CTAGE1: variants seen among roughly 807,000 people sequenced by gnomAD.
The protein encoded by CTAGE1 is cTAGE family member 2.
For synonymous variants in CTAGE1, 332 were observed against 302.8 expected (o/e 1.10, Z -1.00); for missense variants, 963 against 855.9 (o/e 1.13, Z -1.56).
In CTAGE1 at chr18:22,414,494, G is replaced by T. The variant is rs2034985087; in HGVS notation, c.*1080C>A. The T allele has an allele frequency of 1.7e-6, 1 of 579,016 alleles. No homozygotes were observed. The highest frequency in any genetic ancestry group is 3.0e-6 in the Non-Finnish European group (1 of 329,198). The allele number at this position is 579,016 out of a possible 1,614,324, so 35.9% of individuals were successfully genotyped here. On this transcript the variant is annotated 3_prime_UTR_variant, in exon 1 of 1. Transcript: ENST00000391403. ...TTGTCCCCAAAAGAAGCAATGGCTTGGTGGCCCAGCTTGCATGAAGGACTA... is the reference window on the plus strand; with the variant it reads ...TTGTCCCCAAAAGAAGCAATGGCTTTGTGGCCCAGCTTGCATGAAGGACTA...
Position 22,417,321 on chromosome 18 carries a change from A to T in CTAGE1, c.491T>A (p.Phe164Tyr). ...TTCTTCATTCGCTTGAAATCTCTTG[A>T]AGGTCATTTTGGCTTCAGCTACTTG... ...KSQVAEAKMT[F>Y]KRFQANEERL... is the part of the protein sequence containing the mutation. Residue 164 changes from phenylalanine (F) to tyrosine (Y), a missense_variant, in exon 1 of 1, where the codon TTC (phenylalanine) becomes TAC (tyrosine). Phe to Tyr is a conservative substitution (Grantham distance 22). Coordinates refer to ENST00000391403, the MANE Select transcript of CTAGE1 (RefSeq NM_172241.3). 1 of 1,613,934 alleles carries T rather than the reference A, an allele frequency of 6.2e-7. No homozygotes were observed. The highest frequency in any genetic ancestry group is 8.5e-7 in the Non-Finnish European group (1 of 1,179,866).
In CTAGE1 at chr18:22,414,541, C is replaced by T; in HGVS notation, c.*1033G>A. The T allele has an allele frequency of 3.3e-6, 2 of 606,294 alleles. No individual in the cohort carries two copies. The allele number at this position is 606,294 out of a possible 1,614,324, so 37.6% of individuals were successfully genotyped here. A position where few individuals can be genotyped will look rare whatever the true frequency, so the allele number is the denominator to read the frequency against. ...ACTAATCCAAAATTTGAGGGCGTCTCTCAGGGAACACGATACATTTCATCT... is the reference window on the plus strand; with the variant it reads ...ACTAATCCAAAATTTGAGGGCGTCTTTCAGGGAACACGATACATTTCATCT... On this transcript the variant is annotated 3_prime_UTR_variant, in exon 1 of 1. Transcript: ENST00000391403.
Position 22,414,577 on chromosome 18 carries a change from T to C in CTAGE1, c.*997A>G. On this transcript the variant is annotated 3_prime_UTR_variant, in exon 1 of 1. Transcript: ENST00000391403. ...CGATACATTTCATCTTTTAACAGAA[T>C]TCCAGAGAAGAGAGCTCAATCAGAG... The C allele has an allele frequency of 1.5e-6, 1 of 654,978 alleles. No individual in the cohort carries two copies. The highest frequency in any genetic ancestry group is 1.7e-5 in the South Asian group (1 of 58,236). The allele number at this position is 654,978 out of a possible 1,614,324, so 40.6% of individuals were successfully genotyped here.
In CTAGE1 at chr18:22,416,815, A is replaced by T; in HGVS notation, c.997T>A (p.Ser333Thr). Residue 333 changes from serine to threonine, a missense_variant, in exon 1 of 1, where the codon TCT becomes ACT. By Grantham distance (58) the Ser-to-Thr change is moderately conservative. Coordinates refer to ENST00000391403, the MANE Select transcript of CTAGE1 (RefSeq NM_172241.3). Reference sequence around the variant, plus strand: ...AAATGTGTGTTTTCTGACTGCAAAGATGCTTGTTCAGTCTGAAGATTTTTA... The same window carrying T: ...AAATGTGTGTTTTCTGACTGCAAAGTTGCTTGTTCAGTCTGAAGATTTTTA... Reference protein sequence around the residue: ...HIKNLQTEQASLQSENTHFES... With the variant: ...HIKNLQTEQATLQSENTHFES... The T allele has an allele frequency of 6.2e-7, 1 of 1,612,574 alleles. No individual in the cohort carries two copies. The highest frequency in any genetic ancestry group is 8.5e-7 in the Non-Finnish European group (1 of 1,179,812).
Position 22,415,541 on chromosome 18 carries a change from C to G in CTAGE1, c.*33G>C, listed in dbSNP as rs779124305. The G allele has an allele frequency of 1.1e-4, 168 of 1,513,174 alleles. No individual in the cohort carries two copies. In the East Asian group the frequency reaches 3.8e-3, roughly 34 times the overall value. 93.7% of individuals were successfully genotyped at this position (1,513,174 alleles called of 1,614,324 possible). On this transcript the variant is annotated 3_prime_UTR_variant, in exon 1 of 1. Transcript: ENST00000391403. ...GTTCAGCAGCAGGCTCATTTGAAGT[C>G]GGACTCAACCCTGATGGAAACTCAT...
In CTAGE1 at chr18:22,414,666, G is replaced by C. The variant is rs1220087722; in HGVS notation, c.*908C>G. 1 of 702,506 alleles carries C rather than the reference G, an allele frequency of 1.4e-6. No homozygotes were observed. Among genetic ancestry groups the C allele is most frequent in the Admixed American group, 2.0e-5 (1 of 49,942 alleles). The allele number at this position is 702,506 out of a possible 1,614,324, so 43.5% of individuals were successfully genotyped here. Reference sequence around the variant, plus strand: ...TTACTCCTTCCCCTTGCCACAGCAAGAGAAAAGCAGAACATAAAACTAAAA... The same window carrying C: ...TTACTCCTTCCCCTTGCCACAGCAACAGAAAAGCAGAACATAAAACTAAAA... On this transcript the variant is annotated 3_prime_UTR_variant, in exon 1 of 1. Coordinates refer to ENST00000391403, the MANE Select transcript of CTAGE1 (RefSeq NM_172241.3).
At position 22,415,405 on chromosome 18, in the gene CTAGE1, A is replaced by G. The variant is rs2034996973; in HGVS notation, c.*169T>C. 5.0e-6 allele frequency: 3 copies of G among 599,304 alleles called. No homozygotes were observed. The highest frequency in any genetic ancestry group is 8.9e-6 in the Non-Finnish European group (3 of 337,182). 37.1% of individuals were successfully genotyped at this position (599,304 alleles called of 1,614,324 possible). On this transcript the variant is annotated 3_prime_UTR_variant, in exon 1 of 1. Transcript: ENST00000391403. ...GTTCCATTAAGTTTCAATCTGAACA[A>G]AAGTGTAATCACTTAAGTAACAGCA...
chr18:22,417,643 C>T lies in CTAGE1; in HGVS notation c.169G>A (p.Glu57Lys), dbSNP rs1228890010. ...KFAVALSGLI[E>K]EKCKLLEKFS... is the part of the protein sequence containing the mutation. ...TTTTCAAGTAGTTTACATTTTTCTTCAATTAGTCCAGAAAGTGCCACAGCA... is the reference window on the plus strand; with the variant it reads ...TTTTCAAGTAGTTTACATTTTTCTTTAATTAGTCCAGAAAGTGCCACAGCA... Residue 57 changes from glutamate (E) to lysine (K), a missense_variant, in exon 1 of 1, where the codon GAA becomes AAA. Transcript: ENST00000391403. The T allele has an allele frequency of 6.2e-7, 1 of 1,613,974 alleles. No individual in the cohort carries two copies. The highest frequency in any genetic ancestry group is 1.7e-5 in the Admixed American group (1 of 60,014).
At position 22,415,760 on chromosome 18, in the gene CTAGE1, T is replaced by C; in HGVS notation, c.2052A>G (p.Arg684=). ...PVDTRGPFIR[R]GPPFPPPPPG... is the part of the protein sequence containing the mutation. ...GAGGAGGTGGGGGGAAAGGAGGTCC[T>C]CTTCTTATGAACGGGCCCCTTGTAT... The change falls in exon 1 of 1, where the codon AGA becomes AGG. Residue 684 remains arginine (R), a synonymous_variant. Transcript: ENST00000391403. 6 of 1,613,936 alleles carry C rather than the reference T, an allele frequency of 3.7e-6. No individual in the cohort carries two copies. The highest frequency in any genetic ancestry group is 5.1e-6 in the Non-Finnish European group (6 of 1,179,870).
chr18:22,416,326 G>A lies in CTAGE1; in HGVS notation c.1486C>T (p.Pro496Ser), dbSNP rs771779166. 1.2e-6 allele frequency: 2 copies of A among 1,613,860 alleles called. No homozygotes were observed. Among genetic ancestry groups the A allele is most frequent in the African/African-American group, 1.3e-5 (1 of 74,928 alleles). Residue 496 changes from proline to serine, a missense_variant, in exon 1 of 1, where the codon CCT becomes TCT. Transcript: ENST00000391403. ...SPYGPSPLGWPSSETRASLYP... is the reference protein window; with the variant it reads ...SPYGPSPLGWSSSETRASLYP... The stretch of plus-strand genomic sequence containing the variant: ...AGAGAAGCTCTCGTTTCAGATGAAG[G>A]CCAACCCAATGGTGAGGGACCATAT...
At position 22,417,441 on chromosome 18, in the gene CTAGE1, TC is replaced by T; in HGVS notation, c.370del (p.Glu124LysfsTer12). The T allele has an allele frequency of 6.2e-7, 1 of 1,614,022 alleles. No individual in the cohort carries two copies. Among genetic ancestry groups the T allele is most frequent in the Non-Finnish European group, 8.5e-7 (1 of 1,179,870 alleles). Reference protein sequence around the residue: ...EILCLEKELKEEKSKHSEQNE... With the variant: ...EILCLEKELKXEKSKHSEQNE... ...TTGTTCAGAATGTTTAGATTTCTCT[TC>T]TTTTAACTCTTTTTCTAGACAGAGT... is the stretch of plus-strand genomic sequence containing the variant. On this transcript the variant is annotated frameshift_variant, in exon 1 of 1. Transcript: ENST00000391403. LOFTEE classifies it low-confidence loss of function (END_TRUNC).
In CTAGE1 at chr18:22,416,395, C is replaced by T; in HGVS notation, c.1417G>A (p.Gly473Arg). Residue 473 changes from glycine (G) to arginine (R), a missense_variant, in exon 1 of 1, where the codon GGA becomes AGA. Gly to Arg is a moderately radical substitution (Grantham distance 125). Coordinates refer to ENST00000391403, the MANE Select transcript of CTAGE1 (RefSeq NM_172241.3). ...KIKLLEKDPY[G>R]LDVPNTAFGR... ...AATGCTGTATTTGGAACATCAAGTC[C>T]ATAAGGATCTTTTTCTAAAAGTTTT... is the stretch of plus-strand genomic sequence containing the variant. The T allele has an allele frequency of 1.9e-6, 3 of 1,613,844 alleles. No homozygotes were observed. Among genetic ancestry groups the T allele is most frequent in the Non-Finnish European group, 1.7e-6 (2 of 1,179,844 alleles).
At position 22,416,505 on chromosome 18, in the gene CTAGE1, G is replaced by C. The variant is rs1186312797; in HGVS notation, c.1307C>G (p.Ala436Gly). 1.9e-6 allele frequency: 3 copies of C among 1,613,834 alleles called. No homozygotes were observed. Among genetic ancestry groups the C allele is most frequent in the Non-Finnish European group, 8.5e-7 (1 of 1,179,962 alleles). Residue 436 changes from alanine to glycine, a missense_variant, in exon 1 of 1, where the codon GCT becomes GGT. Coordinates refer to ENST00000391403, the MANE Select transcript of CTAGE1 (RefSeq NM_172241.3). ...EKKAHDNWSA[A>G]WTAERNLNDL... ...ATTGAGGTTTCTTTCAGCAGTCCAAGCTGCCGACCAATTATCATGTGCTTT... is the reference window on the plus strand; with the variant it reads ...ATTGAGGTTTCTTTCAGCAGTCCAACCTGCCGACCAATTATCATGTGCTTT...
At position 22,415,021 on chromosome 18, in the gene CTAGE1, T is replaced by C. The variant is rs1320938281; in HGVS notation, c.*553A>G. On this transcript the variant is annotated 3_prime_UTR_variant, in exon 1 of 1. Coordinates refer to ENST00000391403, the MANE Select transcript of CTAGE1 (RefSeq NM_172241.3). ...ATAAGACAGGAGATCCAAGATCATC[T>C]TGGTTTAAAGTGAAATATTCTAACA... 3.6e-6 allele frequency: 2 copies of C among 548,548 alleles called. No homozygotes were observed. The highest frequency in any genetic ancestry group is 6.4e-6 in the Non-Finnish European group (2 of 312,478). 34.0% of individuals were successfully genotyped at this position (548,548 alleles called of 1,614,324 possible).
rs549778338 is a variant in CTAGE1 at position 22,417,531 on chromosome 18, G to A, written c.281C>T (p.Ala94Val). 1.2e-6 allele frequency: 2 copies of A among 1,613,970 alleles called. No homozygotes were observed. The highest frequency in any genetic ancestry group is 2.7e-5 in the African/African-American group (2 of 75,026). Residue 94 changes from alanine (A) to valine (V), a missense_variant, in exon 1 of 1, where the codon GCA becomes GTA. Ala to Val is a moderately conservative substitution (Grantham distance 64). Coordinates refer to ENST00000391403, the MANE Select transcript of CTAGE1 (RefSeq NM_172241.3). ...TTCGCAGGTTGCCTCCAAACTTTGT[G>A]CTTCTGTTGCCTCCTTCTCAAAGCT... Reference protein sequence around the residue: ...NASFEKEATEAQSLEATCEKL... With the variant: ...NASFEKEATEVQSLEATCEKL...
Position 22,417,025 on chromosome 18 carries a change from A to C in CTAGE1, c.787T>G (p.Leu263Val). ...EDVTDDDNLE[L>V]EMNSESEDGA... ...TCTTCCGATTCACTGTTCATTTCTAATTCCAAGTTATCATCATCCGTTACA... is the reference window on the plus strand; with the variant it reads ...TCTTCCGATTCACTGTTCATTTCTACTTCCAAGTTATCATCATCCGTTACA... The change falls in exon 1 of 1, where the codon TTA becomes GTA. Residue 263 changes from leucine to valine, a missense_variant. Physicochemically the swap from Leu to Val is conservative, Grantham distance 32. Coordinates refer to ENST00000391403, the MANE Select transcript of CTAGE1 (RefSeq NM_172241.3). The C allele has an allele frequency of 6.2e-7, 1 of 1,613,992 alleles. No homozygotes were observed. Among genetic ancestry groups the C allele is most frequent in the Non-Finnish European group, 8.5e-7 (1 of 1,179,892 alleles).
Position 22,417,409 on chromosome 18 carries a change from A to G in CTAGE1, c.403T>C (p.Leu135=), listed in dbSNP as rs777530868. The change falls in exon 1 of 1, where the codon TTG becomes CTG. Residue 135 remains leucine (L), a synonymous_variant. Transcript: ENST00000391403. ...EKSKHSEQNE[L]MADISKRIQS... ...ATCCTTTTGGAAATATCCGCCATCA[A>G]TTCATTTTGTTCAGAATGTTTAGAT... 18 of 1,613,840 alleles carry G rather than the reference A, an allele frequency of 1.1e-5. No homozygotes were observed. The highest frequency in any genetic ancestry group is 1.4e-5 in the Non-Finnish European group (17 of 1,179,878).
rs2034983101 is a variant in CTAGE1 at position 22,414,276 on chromosome 18, T to A, written c.*1298A>T. 1 of 171,774 alleles carries A rather than the reference T, an allele frequency of 5.8e-6. No homozygotes were observed. Among genetic ancestry groups the A allele is most frequent in the South Asian group, 1.7e-4 (1 of 5,726 alleles). The allele number at this position is 171,774 out of a possible 1,614,324, so 10.6% of individuals were successfully genotyped here. On this transcript the variant is annotated 3_prime_UTR_variant, in exon 1 of 1. Coordinates refer to ENST00000391403, the MANE Select transcript of CTAGE1 (RefSeq NM_172241.3). ...ATAGGGCTTTAACAGAACAGAAGCA[T>A]AAAGTAGCTGAGGATAGTGGTGGTT...
Position 22,417,157 on chromosome 18 carries a change from A to G in CTAGE1, c.655T>C (p.Ser219Pro), listed in dbSNP as rs769330983. Residue 219 changes from serine to proline, a missense_variant, in exon 1 of 1, where the codon TCC becomes CCC. Ser to Pro is a moderately conservative substitution (Grantham distance 74). Transcript: ENST00000391403. ...AGAACTTGTTCTGCATGTACTTTGGAGTCTTCAAATGTTCTTTTCTGTTTA... is the reference window on the plus strand; with the variant it reads ...AGAACTTGTTCTGCATGTACTTTGGGGTCTTCAAATGTTCTTTTCTGTTTA... ...LIKQKRTFEDSKVHAEQVLND... is the reference protein window; with the variant it reads ...LIKQKRTFEDPKVHAEQVLND... The G allele has an allele frequency of 3.1e-6, 5 of 1,613,762 alleles. No individual in the cohort carries two copies. The highest frequency in any genetic ancestry group is 4.2e-6 in the Non-Finnish European group (5 of 1,179,850).
Sources: gnomAD v4.1 joint callset for allele counts on GRCh38, gnomAD v4.1.1 for gene constraint, MANE v1.5 for transcripts, NCBI Gene and HGNC (gene_info 2026-07-23, HGNC 2026-07-21) for gene names.